Variants in MCPH1 observed in about 807,000 individuals in gnomAD.
MCPH1 encodes microcephalin 1.
Under a neutral mutation model 84.5 loss-of-function variants are expected in MCPH1, and 104 were observed. The ratio of observed to expected loss-of-function variants is 1.23; its 90% CI spans 1.05 to 1.45. The LOEUF is 1.45. Ranked by LOEUF, MCPH1 falls within the 40% of genes most tolerant of loss-of-function variation. MCPH1 has a pLI of 0.00. For missense variants in MCPH1, 1,498 were observed against 1,005.7 expected (o/e 1.49, Z -6.62); for synonymous variants, 514 against 366.8 (o/e 1.40, Z -4.58).
chr8:6,572,504 G>A (rs887198550), intron 12 of MCPH1, among the ~76,000 whole-genome samples: 13 of 152,158 alleles, frequency 8.5e-5, no homozygotes, highest in African/African-American at 2.4e-4. Context: ...TACATCAATT[G>A]CAACTAAAAT....
intron 11 of MCPH1, chr8:6,493,989 G>A (rs1810955614): frequency 1.3e-5 from 2 of 152,074 alleles, no homozygotes; most frequent in Admixed American, 1.3e-4. Context: ...TGCCCAGGCT[G>A]GAGTGCAGTG....
intron 11 of MCPH1, among the ~76,000 whole-genome samples, chr8:6,497,646 C>T (rs748733783): frequency 5.3e-5 from 8 of 152,138 alleles, no homozygotes; most frequent in African/African-American, 1.4e-4. Flanking sequence ...TGTGTGAACA[C>T]GGGATGACTG....
chr8:6,523,276 C>G (rs2129569787), intron 12 of MCPH1, among the ~76,000 whole-genome samples: 1 of 152,240 alleles, frequency 6.6e-6, no homozygotes, highest in African/African-American at 2.4e-5. Context: ...GGATTACAGG[C>G]ATGAGCCACC....
rs544020222 is a variant in MCPH1 at position 6,647,765 on chromosome 8, G to C, written c.*4716G>C. The C allele has an allele frequency of 6.6e-6, 1 of 152,318 alleles. No individual in the cohort carries two copies. Among genetic ancestry groups the C allele is most frequent in the Admixed American group, 6.5e-5 (1 of 15,298 alleles). The allele number at this position is 152,318 out of a possible 1,614,324, so 9.4% of individuals were successfully genotyped here. A position where few individuals can be genotyped will look rare whatever the true frequency, so the allele number is the denominator to read the frequency against. The stretch of plus-strand genomic sequence containing the variant: ...GTCTGCTGCAGCTGGGGATGGGAGT[G>C]GGAACAGAGAGCAAACATTTTGGGA... On this transcript the variant is annotated 3_prime_UTR_variant, in exon 14 of 14. Transcript: ENST00000344683.
intron 12 of MCPH1, among the ~76,000 whole-genome samples, chr8:6,523,901 T>G (rs1817849543): frequency 6.6e-6 from 1 of 151,836 alleles, no homozygotes; most frequent in Admixed American, 6.6e-5. Context: ...TTTTTTTTTT[T>G]TTTTAATAAG....
chr8:6,474,031 ACC>A (rs1314014268), intron 9 of MCPH1: 34 of 834,928 alleles, frequency 4.1e-5, no homozygotes, highest in Non-Finnish European at 6.0e-5. Context: ...TCTCATTATA[ACC>A]CCTCATTTGA....
intron 2 of MCPH1, among the ~76,000 whole-genome samples, chr8:6,412,714 C>G (rs1360376848): frequency 1.3e-5 from 2 of 152,200 alleles, no homozygotes; most frequent in East Asian, 1.9e-4. Context: ...AAGATGGTCT[C>G]AAATGCTAGA....
In MCPH1 at chr8:6,648,078, G is replaced by A. The variant is rs577223751; in HGVS notation, c.*5029G>A. 3.9e-5 allele frequency: 6 copies of A among 152,300 alleles called. No homozygotes were observed. Among genetic ancestry groups the A allele is most frequent in the African/African-American group, 1.4e-4 (6 of 41,526 alleles). The allele number at this position is 152,300 out of a possible 1,614,324, so 9.4% of individuals were successfully genotyped here. On this transcript the variant is annotated 3_prime_UTR_variant, in exon 14 of 14. Coordinates refer to ENST00000344683, the MANE Select transcript of MCPH1 (RefSeq NM_024596.5). ...GCATCTGGTAGTTCATTTAAGGTCGGCCTTGGCTTTCAAGTTAAGGCCATG... is the reference window on the plus strand; with the variant it reads ...GCATCTGGTAGTTCATTTAAGGTCGACCTTGGCTTTCAAGTTAAGGCCATG...
At chr8:6,614,230 G>A (rs927081695) in intron 12 of MCPH1, among the ~76,000 whole-genome samples, 1 of 152,216 alleles carries the variant, frequency 6.6e-6, no homozygotes. Flanking sequence ...AGACGGTTGT[G>A]CAGAGCCAGG....
At chr8:6,432,072 C>A (rs1007580962) in intron 4 of MCPH1, among the ~76,000 whole-genome samples, 1 of 152,218 alleles carries the variant, frequency 6.6e-6, no homozygotes, top group Non-Finnish European at 1.5e-5. Context: ...CACTGATGCT[C>A]AAGTCCCTTA....
At position 6,438,993 on chromosome 8, in the gene MCPH1, A is replaced by C. The variant is rs41313948; in HGVS notation, c.477A>C (p.Ser159=). The C allele has an allele frequency of 1.2e-6, 2 of 1,611,174 alleles. No homozygotes were observed. The highest frequency in any genetic ancestry group is 1.3e-5 in the African/African-American group (1 of 74,994). ...TTCTCTTATTTGAATCTAATGGTTC[A>C]TTAATATATACTCCCACAATTGAAA... ...VPILLFESNG[S]LIYTPTIEIN... is the part of the protein sequence containing the mutation. Residue 159 remains serine, a synonymous_variant, in exon 6 of 14, where the codon TCA becomes TCC. Coordinates refer to ENST00000344683, the MANE Select transcript of MCPH1 (RefSeq NM_024596.5).
In MCPH1 at chr8:6,584,195, A is replaced by C. The variant is rs1158976499; in HGVS notation, c.2215-37259A>C. Among the ~76,000 whole-genome samples, 2 of 152,198 alleles carry C rather than the reference A, an allele frequency of 1.3e-5. 1 individual carries two copies. On this transcript the variant is annotated intron_variant, in intron 12 of 13. Transcript: ENST00000344683. ...CACATATTGATTTCAAAATCAATAC[A>C]CACTTTAAAAATAACACTACAGATT...
At position 6,530,866 on chromosome 8, in the gene MCPH1, C is replaced by T. The variant is rs933024411; in HGVS notation, c.2214+30937C>T. 3.9e-5 allele frequency among the ~76,000 whole-genome samples: 6 copies of T among 152,290 alleles called. No homozygotes were observed. In the East Asian group the frequency reaches 7.7e-4, roughly 20 times the overall value. The stretch of plus-strand genomic sequence containing the variant: ...CTGTGTCCTTCTAGAATGAGTCTTA[C>T]GAGAGTGGCAGGGCTTATGGCATCT... On this transcript the variant is annotated intron_variant, in intron 12 of 13. Coordinates refer to ENST00000344683, the MANE Select transcript of MCPH1 (RefSeq NM_024596.5).
At chr8:6,563,966 G>A (rs544622678) in intron 12 of MCPH1, among the ~76,000 whole-genome samples, 1 of 147,870 alleles carries the variant, frequency 6.8e-6, no homozygotes, top group Admixed American at 7.0e-5. Flanking sequence ...TGTAGAAAGA[G>A]GAATACAAAC....
Position 6,635,714 on chromosome 8 carries a change from GC to G in MCPH1, c.2453-7274del, listed in dbSNP as rs1371751448. On this transcript the variant is annotated intron_variant, in intron 13 of 13. Coordinates refer to ENST00000344683, the MANE Select transcript of MCPH1 (RefSeq NM_024596.5). ...TTAGTGGTGCAGATACCATTAAAAA[GC>G]CCCCCAGCAGAATGCCTCCTCGTCC... Among the ~76,000 whole-genome samples the G allele has an allele frequency of 2.0e-5, 3 of 152,260 alleles. No homozygotes were observed. The East Asian group carries it at 5.8e-4, about 29-fold the overall frequency.
At chr8:6,562,630 A>T in intron 12 of MCPH1, 1 of 1,360,520 alleles carries the variant, frequency 7.4e-7, no homozygotes, top group South Asian at 1.3e-5. Flanking sequence ...ACAAAGACAG[A>T]TGGATTTTTT....
chr8:6,567,376 A>G (rs1436896817), intron 12 of MCPH1, among the ~76,000 whole-genome samples: 2 of 152,170 alleles, frequency 1.3e-5, no homozygotes, highest in Non-Finnish European at 2.9e-5. Context: ...CGGCAAGGCC[A>G]TGGATAGTGC....
chr8:6,451,681 C>G (rs992544410), intron 8 of MCPH1, among the ~76,000 whole-genome samples: 1 of 151,638 alleles, frequency 6.6e-6, no homozygotes, highest in Non-Finnish European at 1.5e-5. Flanking sequence ...GCATATATAC[C>G]AAAGGTATCT....
intron 12 of MCPH1, among the ~76,000 whole-genome samples, chr8:6,605,912 G>A (rs1369481742): frequency 6.6e-6 from 1 of 152,072 alleles, no homozygotes; most frequent in Non-Finnish European, 1.5e-5. Flanking sequence ...GGCCAGGCTG[G>A]TCTCGAATGC....
Sources: allele counts gnomAD v4.1 joint callset (sites outside exome capture counted in the v4.1 genomes callset), GRCh38; gene constraint gnomAD v4.1.1; transcripts MANE v1.5; gene names NCBI Gene and HGNC (gene_info 2026-07-23, HGNC 2026-07-21).